PCDHGA7: variants seen among roughly 807,000 people sequenced by gnomAD.
PCDHGA7 encodes protocadherin gamma subfamily A, 7.
PCDHGA7 carries 44 observed loss-of-function variants against 58.3 expected under a neutral mutation model. The ratio of observed to expected loss-of-function variants is 0.75; its 90% CI spans 0.59 to 0.97. The LOEUF is 0.97. Among genes scored for constraint, PCDHGA7 ranks in the 50% least tolerant of loss-of-function variants. PCDHGA7 has a pLI of 0.00. For synonymous variants in PCDHGA7, 516 were observed against 504.2 expected, an observed-to-expected ratio of 1.02 and a Z score of -0.31; for missense variants, 1,266 against 1,188.7, an observed-to-expected ratio of 1.06 and a Z score of -0.96.
At chr5:141,429,045 G>C (rs919761577) in intron 1 of PCDHGA7, 15 of 151,954 alleles carry the variant, frequency 9.9e-5, no homozygotes, top group African/African-American at 2.9e-4. Context: ...TAGTACAGAC[G>C]GGGTTTCACC....
chr5:141,419,613 G>T (rs369914837), intron 1 of PCDHGA7: 144 of 1,612,020 alleles, frequency 8.9e-5, no homozygotes, highest in Admixed American at 1.5e-4. Context: ...GCGCAGCCAG[G>T]CTACCTGGTG....
chr5:141,434,964 T>C (rs2154556462), intron 1 of PCDHGA7, among the ~76,000 whole-genome samples: 1 of 152,004 alleles, frequency 6.6e-6, no homozygotes, highest in East Asian at 1.9e-4. Context: ...ATTTATAAAA[T>C]TACTTTGTTA....
chr5:141,428,121 G>T (rs764584436), intron 1 of PCDHGA7: 1 of 1,605,860 alleles, frequency 6.2e-7, no homozygotes. Context: ...CATCGAGCCC[G>T]GGCTTTTCAG....
intron 1 of PCDHGA7, chr5:141,440,968 T>A (rs1487107428): frequency 6.6e-6 from 1 of 152,198 alleles, no homozygotes; most frequent in African/African-American, 2.4e-5. Flanking sequence ...AGATCACATA[T>A]GGCTTCACAA....
chr5:141,419,659 C>T (rs930108720), intron 1 of PCDHGA7: 2 of 1,612,608 alleles, frequency 1.2e-6, no homozygotes, highest in East Asian at 4.5e-5. Flanking sequence ...ACTCGGGGCA[C>T]AATGCCTGGC....
In PCDHGA7 at chr5:141,383,077, G is replaced by A. The variant is rs1415482680; in HGVS notation, c.178G>A (p.Ala60Thr). The change falls in exon 1 of 4, where the codon GCG (alanine) becomes ACG (threonine). Residue 60 changes from alanine (A) to threonine (T), a missense_variant. Ala to Thr is a moderately conservative substitution (Grantham distance 58, BLOSUM62 0). Coordinates refer to ENST00000518325, the MANE Select transcript of PCDHGA7 (RefSeq NM_018920.4). The part of the protein sequence containing the change: ...KDLGLEPREL[A>T]ERGVRIISRG... ...CCTGGGGCTGGAGCCCCGGGAGCTG[G>A]CGGAGCGCGGAGTCCGCATCATCTC... 1.2e-6 allele frequency: 2 copies of A among 1,613,774 alleles called. No individual in the cohort carries two copies. Among genetic ancestry groups the A allele is most frequent in the African/African-American group, 2.7e-5 (2 of 74,946 alleles).
intron 3 of PCDHGA7, among the ~76,000 whole-genome samples, chr5:141,510,354 G>A (rs1311482557): frequency 2.1e-5 from 3 of 146,300 alleles, no homozygotes; most frequent in Non-Finnish European, 4.5e-5. Flanking sequence ...ACTTACTAAC[G>A]GAACTACCGA....
chr5:141,448,515 T>C (rs1158968509), intron 1 of PCDHGA7, among the ~76,000 whole-genome samples: 1 of 152,212 alleles, frequency 6.6e-6, no homozygotes, highest in Non-Finnish European at 1.5e-5. Flanking sequence ...TTTATAACTT[T>C]ATTAAGCATC....
intron 1 of PCDHGA7, chr5:141,410,448 C>T: frequency 6.2e-7 from 1 of 1,614,006 alleles, no homozygotes; most frequent in Non-Finnish European, 8.5e-7. Context: ...GGGACTTTGC[C>T]TTATTCTTAT....
rs770219250 is a variant in PCDHGA7, at chr5:141,477,852, T to C, written c.2425-16955T>C. Reference sequence around the variant, plus strand: ...CGGCCAGGTGGGAGCTCGGTGGAGATGCTGCCTCGAGGTACCTCAGCTGGC... The same window carrying C: ...CGGCCAGGTGGGAGCTCGGTGGAGACGCTGCCTCGAGGTACCTCAGCTGGC... On this transcript the variant is annotated intron_variant, in intron 1 of 3. Transcript: ENST00000518325. This position sits in a 1 kb window ranked among gnomAD's most constrained non-coding sequence, Gnocchi z 4.9. The C allele has an allele frequency of 6.2e-7, 1 of 1,613,654 alleles. No homozygotes were observed. Among genetic ancestry groups the C allele is most frequent in the Admixed American group, 1.7e-5 (1 of 59,980 alleles).
At chr5:141,458,662 C>T (rs948275548) in intron 1 of PCDHGA7, among the ~76,000 whole-genome samples, 3 of 152,064 alleles carry the variant, frequency 2.0e-5, no homozygotes, top group East Asian at 1.9e-4. Flanking sequence ...CTCCACCTCT[C>T]GGGTTCAAGC....
At chr5:141,393,503 G>C (rs2092782893) in intron 1 of PCDHGA7, 1 of 1,614,028 alleles carries the variant, frequency 6.2e-7, no homozygotes, top group Non-Finnish European at 8.5e-7. Flanking sequence ...GCATCCACGT[G>C]ACAGTGTTGG....
chr5:141,404,072 C>G, intron 1 of PCDHGA7: 3 of 1,613,626 alleles, frequency 1.9e-6, no homozygotes, highest in Non-Finnish European at 2.5e-6. Context: ...TGCTCATGAC[C>G]GAGACTCCGG....
At position 141,384,055 on chromosome 5, in the gene PCDHGA7, A is replaced by G. The variant is rs764578426; in HGVS notation, c.1156A>G (p.Ile386Val). The change falls in exon 1 of 4, where the codon ATT becomes GTT. Residue 386 changes from isoleucine (I) to valine (V), a missense_variant. Coordinates refer to ENST00000518325, the MANE Select transcript of PCDHGA7 (RefSeq NM_018920.4). ...SGKNGEVTCT[I>V]PENLPFKLEK... ...AAAGAATGGTGAGGTGACCTGCACC[A>G]TTCCAGAAAACCTACCTTTTAAATT... 12 of 1,610,418 alleles carry G rather than the reference A, an allele frequency of 7.5e-6. No individual in the cohort carries two copies. The highest frequency in any genetic ancestry group is 1.0e-5 in the Non-Finnish European group (12 of 1,177,952).
At chr5:141,410,196 C>T (rs773310778) in intron 1 of PCDHGA7, 3 of 1,613,984 alleles carry the variant, frequency 1.9e-6, no homozygotes, top group East Asian at 4.5e-5. Context: ...CTGGTCTTCG[C>T]AGACAACTTG....
rs1396744157 is a variant in PCDHGA7 at position 141,432,439 on chromosome 5, C to G, written c.2424+47116C>G. 22 of 1,614,108 alleles carry G rather than the reference C, an allele frequency of 1.4e-5. No individual in the cohort carries two copies. The highest frequency in any genetic ancestry group is 1.7e-5 in the Non-Finnish European group (20 of 1,180,052). On this transcript the variant is annotated intron_variant, in intron 1 of 3. Coordinates refer to ENST00000518325, the MANE Select transcript of PCDHGA7 (RefSeq NM_018920.4). This position sits in a 1 kb window ranked among gnomAD's most constrained non-coding sequence, Gnocchi z 6.0. ...TGCTGGACCAGAACGACAATGCGCCCGAGATCCTGTACCCCGCCCTCCCCA... is the reference window on the plus strand; with the variant it reads ...TGCTGGACCAGAACGACAATGCGCCGGAGATCCTGTACCCCGCCCTCCCCA...
intron 1 of PCDHGA7, chr5:141,390,085 A>C (rs1253804368): frequency 2.5e-6 from 4 of 1,613,916 alleles, no homozygotes. Flanking sequence ...GTTAAATCCG[A>C]ATCCGTGGTT....
chr5:141,484,000 G>C (rs1425172275), intron 1 of PCDHGA7, among the ~76,000 whole-genome samples: 1 of 147,812 alleles, frequency 6.8e-6, no homozygotes, highest in Admixed American at 6.8e-5. Context: ...TGGGAGGTCT[G>C]GATGAGGGTG....
At chr5:141,427,499 T>C in intron 1 of PCDHGA7, 2 of 571,516 alleles carry the variant, frequency 3.5e-6, no homozygotes, top group Non-Finnish European at 3.3e-6. Flanking sequence ...TTGTAACAGA[T>C]GGGACCCTGG....
Sources: allele counts gnomAD v4.1 joint callset (sites outside exome capture counted in the v4.1 genomes callset), GRCh38; gene constraint gnomAD v4.1.1; non-coding constraint Gnocchi (gnomAD v3.1); transcripts MANE v1.5; gene names NCBI Gene and HGNC (gene_info 2026-07-23, HGNC 2026-07-21).